The following TRIM46 variants were observed in gnomAD, a reference collection of about 807,000 sequenced individuals.
TRIM46 encodes tripartite motif-containing protein 46.
In TRIM46, 17 loss-of-function variants were observed where a neutral mutation model predicts 69.7. The ratio of observed to expected loss-of-function variants is 0.24; its 90% CI spans 0.17 to 0.37. TRIM46 has a LOEUF of 0.37. Ranked by LOEUF, TRIM46 falls within the 10% of genes least tolerant of loss-of-function variation. The pLI, the probability that TRIM46 is intolerant of heterozygous loss-of-function variation, is 1.00. For missense variants in TRIM46, 675 were observed against 1,025.1 expected (o/e 0.66, Z 4.66); for synonymous variants, 391 against 429.0 (o/e 0.91, Z 1.09).
In TRIM46 at chr1:155,178,004, G is replaced by T. The variant is rs760753074; in HGVS notation, c.912G>T (p.Val304=). The change falls in exon 6 of 10, where the codon GTG becomes GTT. Residue 304 remains valine (V), a splice_region_variant and synonymous_variant. Transcript: ENST00000334634. ...TTTGGGTGTTGCTCCCTGGGCAGGT[G>T]AGTGGTCAGCAGGCCAAGGAGGAGG... is the stretch of plus-strand genomic sequence containing the variant. The part of the protein sequence containing the change: ...ELEEAVRHTE[V]SGQQAKEEVS... The T allele has an allele frequency of 1.9e-6, 3 of 1,612,688 alleles. No homozygotes were observed. Among genetic ancestry groups the T allele is most frequent in the Non-Finnish European group, 2.5e-6 (3 of 1,179,650 alleles).
At position 155,177,939 on chromosome 1, in the gene TRIM46, A is replaced by C. The variant is rs1199879591; in HGVS notation, c.910-63A>C. 3.6e-5 allele frequency: 56 copies of C among 1,576,150 alleles called. No homozygotes were observed. In the East Asian group the frequency reaches 1.1e-3, roughly 31 times the overall value. ...CTGTGGCATCCAAGGAGGCCAGCAC[A>C]AGTGCTGCCTCCAAAAAGAAGATAG... On this transcript the variant is annotated intron_variant, in intron 5 of 9. Transcript: ENST00000334634.
intron 7 of TRIM46, among the ~76,000 whole-genome samples, chr1:155,179,322 C>G (rs1454949036): frequency 6.6e-6 from 1 of 152,222 alleles, no homozygotes; most frequent in Non-Finnish European, 1.5e-5. Flanking sequence ...CTGATACCCT[C>G]ATTTGACAGG....
chr1:155,179,580 A>C, intron 7 of TRIM46, 52 bp from the exon 8 acceptor site: 1 of 1,515,708 alleles, frequency 6.6e-7, no homozygotes, highest in South Asian at 1.3e-5. Flanking sequence ...CCTGCCCTCC[A>C]TGCCAGGCCA....
Position 155,175,267 on chromosome 1 carries a change from C to A in TRIM46, c.64-119C>A, listed in dbSNP as rs1479704803. The A allele has an allele frequency of 1.7e-5, 26 of 1,546,518 alleles. No individual in the cohort carries two copies. Among genetic ancestry groups the A allele is most frequent in the Non-Finnish European group, 2.3e-5 (26 of 1,155,516 alleles). ...GCCCAAGGCAGGTGCTCTGGAAAAGCTGCAGGTAGCTTGTCTTGCTCCTTC... is the reference window on the plus strand; with the variant it reads ...GCCCAAGGCAGGTGCTCTGGAAAAGATGCAGGTAGCTTGTCTTGCTCCTTC... On this transcript the variant is annotated intron_variant, in intron 1 of 9. Coordinates refer to ENST00000334634, the MANE Select transcript of TRIM46 (RefSeq NM_025058.5). This position sits in a 1 kb window ranked among gnomAD's most constrained non-coding sequence, Gnocchi z 4.2.
In TRIM46 at chr1:155,184,459, T is replaced by C; in HGVS notation, c.*269T>C. 1 of 461,370 alleles carries C rather than the reference T, an allele frequency of 2.2e-6. No homozygotes were observed. Among genetic ancestry groups the C allele is most frequent in the East Asian group, 3.9e-5 (1 of 25,798 alleles). The allele number at this position is 461,370 out of a possible 1,614,324, so 28.6% of individuals were successfully genotyped here. A position where few individuals can be genotyped will look rare whatever the true frequency, so the allele number is the denominator to read the frequency against. ...TCTGCCCTATGACCTGCCTTTGGCA[T>C]GTTACCCAAGCCATGGAGAGAGCCC... On this transcript the variant is annotated 3_prime_UTR_variant, in exon 10 of 10. Coordinates refer to ENST00000334634, the MANE Select transcript of TRIM46 (RefSeq NM_025058.5). This position sits in a 1 kb window ranked among gnomAD's most constrained non-coding sequence, Gnocchi z 5.6.
intron 5 of TRIM46, 60 bp downstream of exon 5, chr1:155,177,350 G>C: frequency 7.0e-7 from 1 of 1,427,162 alleles, no homozygotes; most frequent in East Asian, 2.3e-5. Flanking sequence ...CAGGAAGGGG[G>C]TGTGGGTGAT....
At chr1:155,180,170 G>C (rs1249980571) in intron 8 of TRIM46, among the ~76,000 whole-genome samples, 1 of 152,234 alleles carries the variant, frequency 6.6e-6, no homozygotes, top group East Asian at 1.9e-4. Flanking sequence ...TTTCTGTAGG[G>C]ATAACGATAA....
In TRIM46 at chr1:155,176,097, C is replaced by G. The variant is rs749696530; in HGVS notation, c.535C>G (p.Pro179Ala). The G allele has an allele frequency of 6.2e-7, 1 of 1,614,168 alleles. No homozygotes were observed. The highest frequency in any genetic ancestry group is 8.5e-7 in the Non-Finnish European group (1 of 1,180,016). Residue 179 changes from proline (P) to alanine (A), a missense_variant, in exon 3 of 10, where the codon CCA becomes GCA. Pro to Ala is a conservative substitution (Grantham distance 27). Transcript: ENST00000334634. ...AILCQLCKPP[P>A]LEATKGCTEC... ...CCTGTGCCAGTTGTGCAAGCCCCCACCACTAGAGGCCACCAAGGGCTGCAC... is the reference window on the plus strand; with the variant it reads ...CCTGTGCCAGTTGTGCAAGCCCCCAGCACTAGAGGCCACCAAGGGCTGCAC...
intron 7 of TRIM46, 126 bp downstream of exon 7, chr1:155,178,739 T>TTGGGGGCC: frequency 1.5e-6 from 2 of 1,348,472 alleles, no homozygotes; most frequent in Non-Finnish European, 2.0e-6. Context: ...CAGCCATTCC[T>TTGGGGGCC]CCCACCCAGC....
rs987302053 is a variant in TRIM46, at chr1:155,174,909, G to A, written c.64-477G>A. 4.3e-6 allele frequency: 6 copies of A among 1,409,184 alleles called. No homozygotes were observed. The African/African-American group carries it at 5.9e-5, about 14-fold the overall frequency. 87.3% of individuals were successfully genotyped at this position (1,409,184 alleles called of 1,614,324 possible). ...GCCGCAGGCCGGAGCTGCGGCAGGA[G>A]GACGTATGGAGCGAGCAGGATGGAG... On this transcript the variant is annotated intron_variant, in intron 1 of 9. Coordinates refer to ENST00000334634, the MANE Select transcript of TRIM46 (RefSeq NM_025058.5).
chr1:155,184,253 C>A lies in TRIM46; in HGVS notation c.*63C>A. 3 of 1,472,712 alleles carry A rather than the reference C, an allele frequency of 2.0e-6. No individual in the cohort carries two copies. The highest frequency in any genetic ancestry group is 2.7e-6 in the Non-Finnish European group (3 of 1,112,532). The allele number at this position is 1,472,712 out of a possible 1,614,324, so 91.2% of individuals were successfully genotyped here. On this transcript the variant is annotated 3_prime_UTR_variant, in exon 10 of 10. Coordinates refer to ENST00000334634, the MANE Select transcript of TRIM46 (RefSeq NM_025058.5). The surrounding 1 kb of genome is among the most constrained non-coding windows in gnomAD (Gnocchi z 5.6). ...GGGCCCTGGCCCCCAAACCTCTTGG[C>A]ACCCGGTTGTTACCCCCTGGCAGCT... is the stretch of plus-strand genomic sequence containing the variant.
At position 155,173,954 on chromosome 1, in the gene TRIM46, G is replaced by A. The variant is rs978999418; in HGVS notation, c.-13G>A. The A allele has an allele frequency of 3.8e-6, 6 of 1,571,852 alleles. No individual in the cohort carries two copies. The South Asian group carries it at 4.7e-5, about 12-fold the overall frequency. ...GGATCGGGCACCCAGGGGCGGGCGG[G>A]CACGGTAGGGCCATGGCAGAGGGTG... On this transcript the variant is annotated 5_prime_UTR_variant, in exon 1 of 10. Transcript: ENST00000334634.
At position 155,181,809 on chromosome 1, in the gene TRIM46, C is replaced by G. The variant is rs1289396873; in HGVS notation, c.1589-43C>G. On this transcript the variant is annotated intron_variant, in intron 8 of 9. Coordinates refer to ENST00000334634, the MANE Select transcript of TRIM46 (RefSeq NM_025058.5). This position sits in a 1 kb window ranked among gnomAD's most constrained non-coding sequence, Gnocchi z 4.3. Reference sequence around the variant, plus strand: ...CACAGCCCCCAGTGCCAGTGTTTGTCCCTGAAGTTCTTGCTCCATCTCAAC... The same window carrying G: ...CACAGCCCCCAGTGCCAGTGTTTGTGCCTGAAGTTCTTGCTCCATCTCAAC... 3 of 1,574,786 alleles carry G rather than the reference C, an allele frequency of 1.9e-6. No homozygotes were observed. Among genetic ancestry groups the G allele is most frequent in the Non-Finnish European group, 2.6e-6 (3 of 1,156,306 alleles).
chr1:155,175,996 C>G lies in TRIM46; in HGVS notation c.434C>G (p.Ala145Gly). The G allele has an allele frequency of 6.2e-7, 1 of 1,613,884 alleles. No homozygotes were observed. The highest frequency in any genetic ancestry group is 8.5e-7 in the Non-Finnish European group (1 of 1,179,792). ...GTGGAGCTTGGGGAGCGGGGTCTGG[C>G]AGGGCTTTTCCGGAACCTGACCCTG... ...GDVELGERGL[A>G]GLFRNLTLER... Residue 145 changes from alanine to glycine, a missense_variant, in exon 3 of 10, where the codon GCA (alanine) becomes GGA (glycine). Coordinates refer to ENST00000334634, the MANE Select transcript of TRIM46 (RefSeq NM_025058.5). This position sits in a 1 kb window ranked among gnomAD's most constrained non-coding sequence, Gnocchi z 4.2.
Position 155,175,046 on chromosome 1 carries a change from CA to C in TRIM46, c.64-339del. ...TGGGCGGTGTCCTTGAGAAAAATGC[CA>C]GGGGCAAGCTGCCCAGAGATGGGGG... On this transcript the variant is annotated intron_variant, in intron 1 of 9. Coordinates refer to ENST00000334634, the MANE Select transcript of TRIM46 (RefSeq NM_025058.5). The surrounding 1 kb of genome is among the most constrained non-coding windows in gnomAD (Gnocchi z 4.2). 7.3e-7 allele frequency: 1 copy of C among 1,364,880 alleles called. No homozygotes were observed. The highest frequency in any genetic ancestry group is 9.4e-7 in the Non-Finnish European group (1 of 1,065,416). 84.5% of individuals were successfully genotyped at this position (1,364,880 alleles called of 1,614,324 possible).
chr1:155,181,331 G>A lies in TRIM46; in HGVS notation c.1589-521G>A, dbSNP rs1489109110. ...TTTGAGACGATCAATGGGAGTCTGA[G>A]TACAGTGTCCGGCTCATGGTTAGGG... On this transcript the variant is annotated intron_variant, in intron 8 of 9. Transcript: ENST00000334634. This position sits in a 1 kb window ranked among gnomAD's most constrained non-coding sequence, Gnocchi z 4.3. Among the ~76,000 whole-genome samples, 2 of 152,224 alleles carry A rather than the reference G, an allele frequency of 1.3e-5. No homozygotes were observed. The highest frequency in any genetic ancestry group is 1.3e-4 in the Admixed American group (2 of 15,280).
chr1:155,177,861 C>T, intron 5 of TRIM46, 141 bp from the exon 6 acceptor site: 1 of 1,258,924 alleles, frequency 7.9e-7, no homozygotes, highest in Non-Finnish European at 1.1e-6. Flanking sequence ...AGCCCAGGCC[C>T]TGTAGGAATG....
In TRIM46 at chr1:155,181,482, G is replaced by A. The variant is rs1571756308; in HGVS notation, c.1589-370G>A. Among the ~76,000 whole-genome samples, 1 of 152,098 alleles carries A rather than the reference G, an allele frequency of 6.6e-6. No homozygotes were observed. The highest frequency in any genetic ancestry group is 1.9e-4 in the East Asian group (1 of 5,182). ...CAGGTGTGAACCCAGAGTATGGGCT[G>A]GAAGGCACAGATTGATGGTGATGGG... On this transcript the variant is annotated intron_variant, in intron 8 of 9. Transcript: ENST00000334634. This position sits in a 1 kb window ranked among gnomAD's most constrained non-coding sequence, Gnocchi z 4.3.
At position 155,177,401 on chromosome 1, in the gene TRIM46, A is replaced by G. The variant is rs780670111; in HGVS notation, c.909+111A>G. 1.2e-4 allele frequency: 109 copies of G among 928,430 alleles called. 4 individuals are homozygous for G. Among genetic ancestry groups the G allele is most frequent in the South Asian group, 8.9e-4 (64 of 71,512 alleles). 57.5% of individuals were successfully genotyped at this position (928,430 alleles called of 1,614,324 possible). The stretch of plus-strand genomic sequence containing the variant: ...TTGTTGCTAGCTCAGGAAGCCCGTG[A>G]GGTGTCCAGGTTCTGGTTAAACCAG... On this transcript the variant is annotated intron_variant, in intron 5 of 9. Transcript: ENST00000334634.
Sources: gnomAD v4.1 joint callset for allele counts (sites outside exome capture counted in the v4.1 genomes callset) on GRCh38, gnomAD v4.1.1 for gene constraint, Gnocchi (gnomAD v3.1) non-coding constraint, MANE v1.5 for transcripts, NCBI Gene and HGNC (gene_info 2026-07-23, HGNC 2026-07-21) for gene names.